XRCC4: variants seen among roughly 807,000 people sequenced by gnomAD.
XRCC4 encodes X-ray repair cross complementing 4.
A neutral mutation model predicts 39.1 loss-of-function variants in XRCC4; 28 were observed. The ratio of observed to expected loss-of-function variants is 0.72; its 90% CI spans 0.53 to 0.98. The LOEUF (loss-of-function observed/expected upper bound fraction) is 0.98. Ranked by LOEUF, XRCC4 falls within the 50% of genes least tolerant of loss-of-function variation. The pLI is 0.00. For synonymous variants in XRCC4, 123 were observed against 126.4 expected (o/e 0.97, Z 0.18); for missense variants, 350 against 376.4 (o/e 0.93, Z 0.58).
chr5:83,209,295 G>A (rs1034773628), intron 6 of XRCC4, among the ~76,000 whole-genome samples: 4 of 151,996 alleles, frequency 2.6e-5, no homozygotes, highest in Admixed American at 2.0e-4. Flanking sequence ...AGTGATAGAA[G>A]CACCATTATG....
intron 3 of XRCC4, among the ~76,000 whole-genome samples, chr5:83,192,465 G>A (rs1215885668): frequency 3.3e-5 from 5 of 151,434 alleles, no homozygotes; most frequent in South Asian, 2.1e-4. Context: ...ACGCCACCAC[G>A]CCCAGCTAAT....
rs549259507 is a variant in XRCC4 at position 83,082,881 on chromosome 5, A to G, written c.-11+5266A>G. 3.9e-5 allele frequency among the ~76,000 whole-genome samples: 6 copies of G among 152,124 alleles called. No homozygotes were observed. The South Asian group carries it at 1.2e-3, about 32-fold the overall frequency. ...GGTCTCCCATTACCTCTCTGACTAC[A>G]TGTCTTTGTATTCTCTCTCCCTTTG... is the stretch of plus-strand genomic sequence containing the variant. On this transcript the variant is annotated intron_variant, in intron 1 of 7. Coordinates refer to ENST00000396027, the MANE Select transcript of XRCC4 (RefSeq NM_003401.5).
chr5:83,177,438 CTTT>C (rs776050448), intron 3 of XRCC4, among the ~76,000 whole-genome samples: 4 of 98,356 alleles, frequency 4.1e-5, no homozygotes, highest in Non-Finnish European at 6.5e-5. Context: ...GCTTTAATAC[CTTT>C]TTTTTTTTTT....
At chr5:83,149,332 T>C (rs1310185455) in intron 3 of XRCC4, among the ~76,000 whole-genome samples, 2 of 152,186 alleles carry the variant, frequency 1.3e-5, no homozygotes, top group East Asian at 1.9e-4. Context: ...TTGAAGTGTG[T>C]TGCATTATCT....
At chr5:83,204,040 G>A (rs984585496) in intron 5 of XRCC4, among the ~76,000 whole-genome samples, 5 of 152,204 alleles carry the variant, frequency 3.3e-5, no homozygotes, top group Admixed American at 6.5e-5. Flanking sequence ...ATGCATATTT[G>A]TAATCTTGAT....
At chr5:83,313,649 C>T (rs948349402) in intron 7 of XRCC4, among the ~76,000 whole-genome samples, 1 of 152,300 alleles carries the variant, frequency 6.6e-6, no homozygotes, top group South Asian at 2.1e-4. Context: ...ACATATTTGT[C>T]TAACACATCA....
chr5:83,354,492 G>A (rs1757167461), downstream of XRCC4, among the ~76,000 whole-genome samples: 1 of 152,008 alleles, frequency 6.6e-6, no homozygotes, highest in Admixed American at 6.6e-5. Context: ...GATATACATG[G>A]GTGTATGTAT....
intron 6 of XRCC4, among the ~76,000 whole-genome samples, chr5:83,210,458 A>C (rs1027042783): frequency 1.3e-5 from 2 of 152,280 alleles, no homozygotes; most frequent in African/African-American, 4.8e-5. Context: ...ATTTAAGCTC[A>C]TTGTTTTTCC....
At chr5:83,314,608 C>T (rs1376772054) in intron 7 of XRCC4, among the ~76,000 whole-genome samples, 1 of 152,146 alleles carries the variant, frequency 6.6e-6, no homozygotes, top group Non-Finnish European at 1.5e-5. Context: ...TTCCCAAAAG[C>T]ATGTGGTCAC....
intron 3 of XRCC4, among the ~76,000 whole-genome samples, chr5:83,143,824 T>C (rs1016844016): frequency 6.6e-6 from 1 of 152,160 alleles, no homozygotes; most frequent in Non-Finnish European, 1.5e-5. Context: ...ATGTAATTGT[T>C]TTTCCTTGAC....
rs187063222 is a variant in XRCC4, at chr5:83,174,135, A to G, written c.316-21635A>G. Among the ~76,000 whole-genome samples, 108 of 152,340 alleles carry G rather than the reference A, an allele frequency of 7.1e-4. 1 individual carries two copies. The highest frequency in any genetic ancestry group is 2.5e-3 in the African/African-American group (103 of 41,586). ...GGCATCATGGTGTCATCTTCAACTTATAGCCAAACACTGATTTATAAAATT... is the reference window on the plus strand; with the variant it reads ...GGCATCATGGTGTCATCTTCAACTTGTAGCCAAACACTGATTTATAAAATT... On this transcript the variant is annotated intron_variant, in intron 3 of 7. Transcript: ENST00000396027.
chr5:83,129,073 T>A (rs9764989), intron 3 of XRCC4, among the ~76,000 whole-genome samples: 74,240 of 151,608 alleles, frequency 0.49, 19,139 homozygotes, highest in African/African-American at 0.63. Flanking sequence ...TGAATGGTAA[T>A]GCCTAGGTTT....
intron 7 of XRCC4, among the ~76,000 whole-genome samples, chr5:83,320,320 C>A (rs1756015708): frequency 7.0e-6 from 1 of 143,784 alleles, no homozygotes; most frequent in Admixed American, 7.0e-5. Flanking sequence ...AACTAACCTG[C>A]ACAATGTGCA....
At chr5:83,107,978 TAGGTATCTGA>T (rs1443858898) in intron 2 of XRCC4, among the ~76,000 whole-genome samples, 1 of 151,868 alleles carries the variant, frequency 6.6e-6, no homozygotes, top group Non-Finnish European at 1.5e-5. Context: ...TAGTTATATA[TAGGTATCTGA>T]AGGAAAAAAA....
rs78286912 is a variant in XRCC4, at chr5:83,283,112, C to T, written c.893+24435C>T. On this transcript the variant is annotated intron_variant, in intron 7 of 7. Transcript: ENST00000396027. ...AAAGGAATTGACAACAAATAGTCCACAAGCCACTGAAAATTCTTCAGCTTA... is the reference window on the plus strand; with the variant it reads ...AAAGGAATTGACAACAAATAGTCCATAAGCCACTGAAAATTCTTCAGCTTA... 8.1e-3 allele frequency among the ~76,000 whole-genome samples: 1,218 copies of T among 150,894 alleles called. 11 individuals are homozygous for T. The highest frequency in any genetic ancestry group is 0.011 in the Non-Finnish European group (733 of 67,686).
At chr5:83,151,686 T>C (rs1748711403) in intron 3 of XRCC4, among the ~76,000 whole-genome samples, 1 of 152,142 alleles carries the variant, frequency 6.6e-6, no homozygotes, top group Admixed American at 6.5e-5. Flanking sequence ...ATAACACAAT[T>C]TTTCCATTGC....
chr5:83,315,120 G>T (rs1235483428), intron 7 of XRCC4, among the ~76,000 whole-genome samples: 1 of 152,108 alleles, frequency 6.6e-6, no homozygotes, highest in African/African-American at 2.4e-5. Context: ...TGACAAGAAA[G>T]TAACACAGCC....
intron 3 of XRCC4, among the ~76,000 whole-genome samples, chr5:83,164,563 A>G (rs1476640229): frequency 6.6e-6 from 1 of 152,120 alleles, no homozygotes; most frequent in Non-Finnish European, 1.5e-5. Context: ...ACATTTCCTA[A>G]GAGAGATCTT....
In XRCC4 at chr5:83,135,110, A is replaced by G. The variant is rs189981772; in HGVS notation, c.315+23907A>G. On this transcript the variant is annotated intron_variant, in intron 3 of 7. Transcript: ENST00000396027. The stretch of plus-strand genomic sequence containing the variant: ...TCTAAGTAATCAATTCTGGACACAC[A>G]GGTACCGTCTGTCATGGCATCCCTT... 8.6e-4 allele frequency among the ~76,000 whole-genome samples: 131 copies of G among 152,296 alleles called. No homozygotes were observed. In the Middle Eastern group the frequency reaches 0.01, roughly 12 times the overall value.
Sources: gnomAD v4.1 joint callset for allele counts (sites outside exome capture counted in the v4.1 genomes callset) on GRCh38, gnomAD v4.1.1 for gene constraint, MANE v1.5 for transcripts, NCBI Gene and HGNC (gene_info 2026-07-23, HGNC 2026-07-21) for gene names.